OR10S1: variants seen among roughly 807,000 people sequenced by gnomAD.
OR10S1 encodes the protein olfactory receptor family 10 subfamily S member 1.
For synonymous variants in OR10S1, 167 were observed against 164.1 expected (o/e 1.02, Z -0.13); for missense variants, 415 against 407.9 (o/e 1.02, Z -0.15).
exon 1 of OR10S1, chr11:123,977,600 C>G: frequency 6.2e-7 from 1 of 1,611,082 alleles, no homozygotes; most frequent in South Asian, 1.1e-5. Flanking sequence ...AGCGGTGTAC[C>G]TCAAACCCTC....
At chr11:123,977,231 A>G in exon 1 of OR10S1, 1 of 1,614,210 alleles carries the variant, frequency 6.2e-7, no homozygotes. Flanking sequence ...TTCTGCACAC[A>G]TCCTTCTGTT....
exon 1 of OR10S1, chr11:123,977,144 C>G (rs1334160455): frequency 6.2e-6 from 10 of 1,614,104 alleles, no homozygotes; most frequent in Non-Finnish European, 8.5e-6. Flanking sequence ...GCAAGGCCCA[C>G]AGTAGAGCAG....
chr11:123,976,745 A>G (rs1863722292), exon 1 of OR10S1: 1 of 1,614,030 alleles, frequency 6.2e-7, no homozygotes, highest in Non-Finnish European at 8.5e-7. Context: ...GCTGCACAAA[A>G]GCCTTTGCAG....
At chr11:123,976,913 G>T in exon 1 of OR10S1, 2 of 1,614,084 alleles carry the variant, frequency 1.2e-6, no homozygotes, top group Admixed American at 1.7e-5. Flanking sequence ...GAGCACCCCA[G>T]TGAGCTGGGC....
exon 1 of OR10S1, chr11:123,977,559 G>T: frequency 6.2e-7 from 1 of 1,613,772 alleles, no homozygotes; most frequent in Non-Finnish European, 8.5e-7. Flanking sequence ...TAGATGAGGA[G>T]GAAGAGGAGG....
exon 1 of OR10S1, chr11:123,976,733 C>G (rs1273867888): frequency 6.2e-7 from 1 of 1,613,726 alleles, no homozygotes; most frequent in Admixed American, 1.7e-5. Context: ...CTCTCGGAAG[C>G]TGCTGCACAA....
exon 1 of OR10S1, chr11:123,977,177 A>G: frequency 6.2e-7 from 1 of 1,614,182 alleles, no homozygotes; most frequent in Non-Finnish European, 8.5e-7. Flanking sequence ...GGAGGTGTGG[A>G]TTGCAGCGTG....
At chr11:123,976,931 G>C (rs267602749) in exon 1 of OR10S1, 1 of 1,614,010 alleles carries the variant, frequency 6.2e-7, no homozygotes, top group South Asian at 1.1e-5. Flanking sequence ...GGCAGTGCAG[G>C]GGGAGAAGGC....
At chr11:123,977,041 A>T in exon 1 of OR10S1, 2 of 1,614,214 alleles carry the variant, frequency 1.2e-6, no homozygotes, top group Non-Finnish European at 1.7e-6. Context: ...CCACGATGCC[A>T]ATGCTGGCAA....
At chr11:123,977,265 G>A (rs1470617330) in exon 1 of OR10S1, 1 of 1,614,108 alleles carries the variant, frequency 6.2e-7, no homozygotes, top group African/African-American at 1.3e-5. Flanking sequence ...TAGTGCAGGG[G>A]TTGACAGATA....
chr11:123,977,664 T>C (rs1565583684), exon 1 of OR10S1: 3 of 1,601,804 alleles, frequency 1.9e-6, no homozygotes, highest in South Asian at 2.2e-5. Context: ...GTCATGGTCA[T>C]CTTCTCACAC....
rs745650167 is a variant in OR10S1 at position 123,977,201 on chromosome 11, G to A, written c.464C>T (p.Ala155Val). The stretch of plus-strand genomic sequence containing the variant: ...GATTGCAGCGTGCGTGGCACCTATG[G>A]CCCAGGTGATTCCAGCCATTTCTGC... Residue 155 changes from alanine (A) to valine (V), a missense_variant, in exon 1 of 1, where the codon GCC becomes GTC. Coordinates refer to ENST00000641123, the Ensembl canonical transcript of OR10S1. 3.7e-6 allele frequency: 6 copies of A among 1,614,202 alleles called. No individual in the cohort carries two copies. The highest frequency in any genetic ancestry group is 2.5e-6 in the Non-Finnish European group (3 of 1,180,040).
rs756603205 is a variant in OR10S1 at position 123,977,268 on chromosome 11, G to A, written c.397C>T (p.Gln133Ter). ...ATGGCCACTGGGTAGTGCAGGGGTT[G>A]ACAGATAGCCAGATAGCGGTCATAG... The change falls in exon 1 of 1, where the codon CAA becomes TAA. Residue 133 changes from glutamine to a stop codon, truncating the protein, a stop_gained. Transcript: ENST00000641123. LOFTEE classifies it low-confidence loss of function (END_TRUNC). 4.3e-6 allele frequency: 7 copies of A among 1,614,198 alleles called. No individual in the cohort carries two copies. The South Asian group carries it at 6.6e-5, about 15-fold the overall frequency.
exon 1 of OR10S1, chr11:123,976,859 G>A (rs1565583281): frequency 6.2e-7 from 1 of 1,614,186 alleles, no homozygotes; most frequent in Non-Finnish European, 8.5e-7. Context: ...TGCCTCACTG[G>A]AGCGAGGCTG....
chr11:123,976,818 T>G, exon 1 of OR10S1: 1 of 1,614,110 alleles, frequency 6.2e-7, no homozygotes. Context: ...GGAGTTACGA[T>G]TGTGTAGAAG....
In OR10S1 at chr11:123,977,760, A is replaced by G. The variant is rs1591454669; in HGVS notation, c.-96T>C. On this transcript the variant is annotated 5_prime_UTR_variant, in exon 1 of 1. It removes an upstream start codon present in the reference 5' UTR. Transcript: ENST00000641123. Reference sequence around the variant, plus strand: ...TCCCTTTCCTGAGATGTCATTATCCATCAAGCCACACCACCTTGGTCTTAC... The same window carrying G: ...TCCCTTTCCTGAGATGTCATTATCCGTCAAGCCACACCACCTTGGTCTTAC... 6 of 1,379,282 alleles carry G rather than the reference A, an allele frequency of 4.4e-6. No individual in the cohort carries two copies. Among genetic ancestry groups the G allele is most frequent in the Non-Finnish European group, 6.0e-6 (6 of 999,158 alleles). The allele number at this position is 1,379,282 out of a possible 1,614,324, so 85.4% of individuals were successfully genotyped here. A position where few individuals can be genotyped will look rare whatever the true frequency, so the allele number is the denominator to read the frequency against.
chr11:123,977,476 C>T (rs981134378), exon 1 of OR10S1: 1 of 1,614,050 alleles, frequency 6.2e-7, no homozygotes, highest in Non-Finnish European at 8.5e-7. Flanking sequence ...GGAAGTGGTA[C>T]ATGGGTAAGC....
rs371936332 is a variant in OR10S1 at position 123,977,718 on chromosome 11, T to G, written c.-54A>C. 78 of 1,582,722 alleles carry G rather than the reference T, an allele frequency of 4.9e-5. No homozygotes were observed. The African/African-American group carries it at 9.8e-4, about 20-fold the overall frequency. On this transcript the variant is annotated 5_prime_UTR_variant, in exon 1 of 1. Transcript: ENST00000641123. ...CCCTTTGCAACAAAACTGACATTAA[T>G]GGAATAAATAGCTGTATCCCTTTCC...
chr11:123,977,568 GGAA>G (rs767157382), exon 1 of OR10S1: 1 of 1,613,722 alleles, frequency 6.2e-7, no homozygotes, highest in South Asian at 1.1e-5. Context: ...AGGAAGAGGA[GGAA>G]GAAGAGGCTA....
Sources: gnomAD v4.1 joint callset for allele counts on GRCh38, gnomAD v4.1.1 for gene constraint, MANE v1.5 for transcripts, NCBI Gene and HGNC (gene_info 2026-07-23, HGNC 2026-07-21) for gene names.